PCDH15: variants seen among roughly 807,000 people sequenced by gnomAD.
PCDH15 encodes the protein protocadherin related 15.
A neutral mutation model predicts 178.5 loss-of-function variants in PCDH15; 129 were observed. The observed-to-expected ratio is 0.72, with a 90% CI of 0.63 to 0.84. PCDH15 has a LOEUF of 0.84. PCDH15 is among the 40% of genes least tolerant of loss of function. The pLI, the probability that PCDH15 is intolerant of heterozygous loss-of-function variation, is 0.00. For missense variants in PCDH15, 2,230 were observed against 2,099.9 expected (o/e 1.06, Z -1.21); for synonymous variants, 800 against 732.0 (o/e 1.09, Z -1.50).
At chr10:54,861,418 G>C (rs1195425558) in intron 3 of PCDH15, among the ~76,000 whole-genome samples, 1 of 152,078 alleles carries the variant, frequency 6.6e-6, no homozygotes, top group East Asian at 1.9e-4. Context: ...TTTGAACCGG[G>C]AAGAAATAGA....
chr10:55,087,146 A>C (rs1423515286), intron 2 of PCDH15, among the ~76,000 whole-genome samples: 1 of 152,110 alleles, frequency 6.6e-6, no homozygotes, highest in Non-Finnish European at 1.5e-5. Flanking sequence ...TTGTTAAAAG[A>C]ATGTGATTTT....
intron 2 of PCDH15, among the ~76,000 whole-genome samples, chr10:55,143,030 G>T (rs1838396221): frequency 6.6e-6 from 1 of 152,006 alleles, no homozygotes; most frequent in Non-Finnish European, 1.5e-5. Context: ...GATAATGAGT[G>T]AGTTCTCAGG....
chr10:54,091,645 A>G (rs1462415003), intron 15 of PCDH15, among the ~76,000 whole-genome samples: 1 of 152,200 alleles, frequency 6.6e-6, no homozygotes, highest in Non-Finnish European at 1.5e-5. Flanking sequence ...ACTATGTGCT[A>G]GGTTCTGTAA....
chr10:55,072,749 G>A (rs1469370699), intron 2 of PCDH15, among the ~76,000 whole-genome samples: 1 of 151,930 alleles, frequency 6.6e-6, no homozygotes, highest in Non-Finnish European at 1.5e-5. Context: ...CTCATTTTAT[G>A]AGGCCAGCAT....
intron 1 of PCDH15, among the ~76,000 whole-genome samples, chr10:55,279,446 T>C (rs148511596): frequency 1.7e-3 from 258 of 152,334 alleles, no homozygotes; most frequent in African/African-American, 5.8e-3. Flanking sequence ...ACTTTGAGAT[T>C]CTGACTTTGT....
chr10:55,093,722 G>T (rs1360802574), intron 2 of PCDH15, among the ~76,000 whole-genome samples: 1 of 152,080 alleles, frequency 6.6e-6, no homozygotes, highest in Non-Finnish European at 1.5e-5. Context: ...CCATCAAAAA[G>T]TGGGCAAAGG....
chr10:54,986,397 T>C (rs1212706081), intron 2 of PCDH15, among the ~76,000 whole-genome samples: 1 of 152,016 alleles, frequency 6.6e-6, no homozygotes, highest in African/African-American at 2.4e-5. Context: ...AGGGAAAATA[T>C]GTGAGTTAAT....
At chr10:54,655,296 G>GAGAGAGAGAGAC (rs1565866388) in intron 2 of PCDH15, among the ~76,000 whole-genome samples, 5 of 120,206 alleles carry the variant, frequency 4.2e-5, no homozygotes, top group Non-Finnish European at 7.5e-5. Flanking sequence ...GAGAGAGAGA[G>GAGAGAGAGAGAC]AGAGAGACAG....
At chr10:55,341,791 ATATATATATATATATTTTTTTTTTTT>A (rs1406432352) in intron 2 of PCDH15, among the ~76,000 whole-genome samples, 55 of 13,456 alleles carry the variant, frequency 4.1e-3, no homozygotes, top group African/African-American at 8.2e-3. Context: ...ATATATATAT[ATATATATATATATATTTTTTTTTTTT>A]TTTTTTTTTT....
intron 2 of PCDH15, among the ~76,000 whole-genome samples, chr10:55,621,832 G>A (rs1174507130): frequency 6.7e-6 from 1 of 150,168 alleles, no homozygotes; most frequent in Non-Finnish European, 1.5e-5. Context: ...AATAAATATA[G>A]GAAAAAACTC....
chr10:55,454,324 C>A (rs1253394049), intron 2 of PCDH15, among the ~76,000 whole-genome samples: 3 of 151,848 alleles, frequency 2.0e-5, no homozygotes, highest in Non-Finnish European at 2.9e-5. Flanking sequence ...GCTGGATCAG[C>A]CCTTAAATAC....
In PCDH15 at chr10:54,378,870, A is replaced by G; in HGVS notation, c.230T>C (p.Leu77Ser). 1 of 1,613,856 alleles carries G rather than the reference A, an allele frequency of 6.2e-7. No homozygotes were observed. Among genetic ancestry groups the G allele is most frequent in the Non-Finnish European group, 8.5e-7 (1 of 1,179,852 alleles). Residue 77 changes from leucine (L) to serine (S), a missense_variant, in exon 4 of 38, where the codon TTA becomes TCA. Leu to Ser is a moderately radical substitution (Grantham distance 145). Transcript: ENST00000644397. ...CACCCAGTAATCCACATTATCCTTT[A>G]AAGAAAGTTCTATGGTGGGGTCTGG... The part of the protein sequence containing the change: ...GGPDPTIELS[L>S]KDNVDYWVLM...
At chr10:54,396,759 C>A (rs182062926) in intron 3 of PCDH15, among the ~76,000 whole-genome samples, 23 of 152,116 alleles carry the variant, frequency 1.5e-4, no homozygotes, top group African/African-American at 5.1e-4. Context: ...CAGACATATC[C>A]TTCTAAAATG....
chr10:55,104,172 C>A (rs1591906074), intron 2 of PCDH15, among the ~76,000 whole-genome samples: 1 of 151,554 alleles, frequency 6.6e-6, no homozygotes, highest in Non-Finnish European at 1.5e-5. Context: ...CTTTTCTTCT[C>A]TAGTAATAAA....
intron 26 of PCDH15, among the ~76,000 whole-genome samples, chr10:53,869,782 A>G (rs2079704247): frequency 6.6e-6 from 1 of 152,126 alleles, no homozygotes; most frequent in South Asian, 2.1e-4. Context: ...ATCTCTTGAA[A>G]AAAAAAAATT....
chr10:55,368,453 C>T (rs764914324), intron 2 of PCDH15, among the ~76,000 whole-genome samples: 1 of 152,050 alleles, frequency 6.6e-6, no homozygotes, highest in African/African-American at 2.4e-5. Flanking sequence ...ATTCTGGAAG[C>T]CTAAGAAACT....
At chr10:55,256,009 C>T (rs1255078382) in intron 1 of PCDH15, among the ~76,000 whole-genome samples, 4 of 152,130 alleles carry the variant, frequency 2.6e-5, no homozygotes, top group African/African-American at 9.7e-5. Flanking sequence ...GTGTTTTAGA[C>T]ATGAAGTCCT....
chr10:54,046,100 T>C (rs1021307047), intron 18 of PCDH15, among the ~76,000 whole-genome samples: 6 of 152,160 alleles, frequency 3.9e-5, no homozygotes, highest in Non-Finnish European at 8.8e-5. Flanking sequence ...AGATTCTCAA[T>C]GCCATTAGCA....
intron 20 of PCDH15, among the ~76,000 whole-genome samples, chr10:54,016,485 C>T (rs893075577): frequency 6.1e-5 from 9 of 148,150 alleles, no homozygotes; most frequent in Admixed American, 6.1e-4. Context: ...AACCTAAATG[C>T]CCATCAATGG....
Sources: gnomAD v4.1 joint callset for allele counts (sites outside exome capture counted in the v4.1 genomes callset) on GRCh38, gnomAD v4.1.1 for gene constraint, MANE v1.5 for transcripts, NCBI Gene and HGNC (gene_info 2026-07-23, HGNC 2026-07-21) for gene names.